Variants in CCDC59 observed in about 807,000 individuals in gnomAD.
CCDC59 encodes the protein coiled-coil domain containing 59.
Under a neutral mutation model 30.5 loss-of-function variants are expected in CCDC59, and 27 were observed. The ratio of observed to expected loss-of-function variants is 0.89; its 90% CI spans 0.65 to 1.22. The LOEUF (loss-of-function observed/expected upper bound fraction) is 1.22, where lower values mean the gene tolerates loss of function less well. Among genes scored for constraint, CCDC59 ranks in the 50% most tolerant of loss-of-function variants. The pLI, the probability that CCDC59 is intolerant of heterozygous loss-of-function variation, is 0.00. For synonymous variants in CCDC59, 125 were observed against 100.9 expected (o/e 1.24, Z -1.43); for missense variants, 362 against 284.4 (o/e 1.27, Z -1.96).
chr12:82,352,348 T>G lies in CCDC59; in HGVS notation c.*803A>C, dbSNP rs1469246366. The G allele has an allele frequency of 1.3e-5, 2 of 152,260 alleles. No homozygotes were observed. The highest frequency in any genetic ancestry group is 2.9e-5 in the Non-Finnish European group (2 of 68,042). The allele number at this position is 152,260 out of a possible 1,614,324, so 9.4% of individuals were successfully genotyped here. The stretch of plus-strand genomic sequence containing the variant: ...TTTATTATTCAATATTTGGCAAGTA[T>G]TATTGGTCAGCCCTTTTTGCTTACA... On this transcript the variant is annotated 3_prime_UTR_variant, in exon 4 of 4. Coordinates refer to ENST00000256151, the MANE Select transcript of CCDC59 (RefSeq NM_014167.5).
chr12:82,353,905 T>C (rs190675847), intron 3 of CCDC59, among the ~76,000 whole-genome samples: 1 of 151,940 alleles, frequency 6.6e-6, no homozygotes, highest in East Asian at 1.9e-4. Context: ...AAAATGACAA[T>C]TTTGTTGAGG....
At chr12:82,353,921 G>A (rs1342516692) in intron 3 of CCDC59, among the ~76,000 whole-genome samples, 2 of 151,738 alleles carry the variant, frequency 1.3e-5, no homozygotes, top group Non-Finnish European at 2.9e-5. Context: ...TGAGGCTGTG[G>A]GTAATTCTGT....
chr12:82,353,151 T>C lies in CCDC59; in HGVS notation c.726A>G (p.Ter242=). The C allele has an allele frequency of 6.3e-7, 1 of 1,599,034 alleles. No individual in the cohort carries two copies. The highest frequency in any genetic ancestry group is 8.5e-7 in the Non-Finnish European group (1 of 1,175,844). Residue 242 remains the stop codon, a stop_retained_variant, in exon 4 of 4, where the codon TAA becomes TAG. Coordinates refer to ENST00000256151, the MANE Select transcript of CCDC59 (RefSeq NM_014167.5). ...YLLQKIQEKC[*] ...ATTTTAACCTGTAGGAACAAAATGTTTAACATTTTTCTTGTATTTTTTGAA... is the reference window on the plus strand; with the variant it reads ...ATTTTAACCTGTAGGAACAAAATGTCTAACATTTTTCTTGTATTTTTTGAA...
rs530969051 is a variant in CCDC59 at position 82,358,372 on chromosome 12, G to T, written c.5C>A (p.Ala2Glu). The T allele has an allele frequency of 6.2e-7, 1 of 1,613,168 alleles. No individual in the cohort carries two copies. Among genetic ancestry groups the T allele is most frequent in the Non-Finnish European group, 8.5e-7 (1 of 1,179,996 alleles). M[A>E]PVRRSAKWRP... ...CCACTTCGCGGACCGCCTCACCGGC[G>T]CCATTGCAGCCGACTAACTGCGTCA... Residue 2 changes from alanine (A) to glutamate (E), a missense_variant, in exon 1 of 4, where the codon GCG (alanine) becomes GAG (glutamate). Transcript: ENST00000256151.
rs1880875866 is a variant in CCDC59, at chr12:82,353,080, A to G, written c.*71T>C. On this transcript the variant is annotated 3_prime_UTR_variant, in exon 4 of 4. Coordinates refer to ENST00000256151, the MANE Select transcript of CCDC59 (RefSeq NM_014167.5). ...CAGTTTATGTCGACAAATTTAGTTC[A>G]CTGCTGGGAGGCACATGTCACAGAA... 1 of 1,218,650 alleles carries G rather than the reference A, an allele frequency of 8.2e-7. No individual in the cohort carries two copies. The highest frequency in any genetic ancestry group is 1.1e-6 in the Non-Finnish European group (1 of 878,580). 75.5% of individuals were successfully genotyped at this position (1,218,650 alleles called of 1,614,324 possible).
chr12:82,358,532 T>G, upstream of CCDC59: 1 of 1,602,316 alleles, frequency 6.2e-7, no homozygotes, highest in Non-Finnish European at 8.5e-7. Flanking sequence ...CACGGCCATG[T>G]TTGCGCCACC....
At chr12:82,354,303 T>C (rs183333483) in intron 3 of CCDC59, among the ~76,000 whole-genome samples, 192 bp downstream of exon 3, 3 of 152,210 alleles carry the variant, frequency 2.0e-5, no homozygotes, top group Non-Finnish European at 4.4e-5. Flanking sequence ...CTACTAGTAT[T>C]GCTTGACATA....
intron 2 of CCDC59, chr12:82,356,176 C>T (rs1158536321): frequency 2.0e-5 from 3 of 152,266 alleles, no homozygotes; most frequent in Admixed American, 1.3e-4. Context: ...CAAGTTAATA[C>T]CCAGCTTCTT....
intron 2 of CCDC59, chr12:82,355,985 T>G (rs1314239565): frequency 6.6e-6 from 1 of 152,182 alleles, no homozygotes; most frequent in Non-Finnish European, 1.5e-5. Flanking sequence ...TTCCCTGAAC[T>G]TTATACTGAT....
Position 82,353,149 on chromosome 12 carries a change from G to GT in CCDC59, c.*1dup. The stretch of plus-strand genomic sequence containing the variant: ...ATATTTTAACCTGTAGGAACAAAAT[G>GT]TTTAACATTTTTCTTGTATTTTTTG... On this transcript the variant is annotated 3_prime_UTR_variant, in exon 4 of 4. Transcript: ENST00000256151. The GT allele has an allele frequency of 6.3e-7, 1 of 1,598,402 alleles. No homozygotes were observed. Among genetic ancestry groups the GT allele is most frequent in the Non-Finnish European group, 8.5e-7 (1 of 1,175,418 alleles).
chr12:82,353,414 GTCTCT>G, intron 3 of CCDC59, 102 bp from the exon 4 acceptor site: 1 of 917,100 alleles, frequency 1.1e-6, no homozygotes, highest in Non-Finnish European at 1.6e-6. Flanking sequence ...TCTAAGGTTT[GTCTCT>G]TCTATTTTGC....
intron 2 of CCDC59, chr12:82,355,570 G>A (rs895988991): frequency 6.6e-6 from 1 of 152,128 alleles, no homozygotes; most frequent in Non-Finnish European, 1.5e-5. Context: ...AAAAGTTATG[G>A]CCACAGTACG....
Position 82,358,257 on chromosome 12 carries a change from G to C in CCDC59, c.120C>G (p.Asn40Lys). The C allele has an allele frequency of 6.2e-7, 1 of 1,614,194 alleles. No homozygotes were observed. The highest frequency in any genetic ancestry group is 8.5e-7 in the Non-Finnish European group (1 of 1,180,032). Residue 40 changes from asparagine (N) to lysine (K), a missense_variant, in exon 1 of 4, where the codon AAC (asparagine) becomes AAG (lysine). Coordinates refer to ENST00000256151, the MANE Select transcript of CCDC59 (RefSeq NM_014167.5). Reference protein sequence around the residue: ...KNVRQKTWRPNHPQAFVGSVR... With the variant: ...KNVRQKTWRPKHPQAFVGSVR... ...CGCTCCCCACGAAGGCTTGCGGGTGGTTAGGCCGCCATGTCTTCTGTCTCA... is the reference window on the plus strand; with the variant it reads ...CGCTCCCCACGAAGGCTTGCGGGTGCTTAGGCCGCCATGTCTTCTGTCTCA...
intron 2 of CCDC59, chr12:82,355,499 T>A (rs972510247): frequency 4.6e-5 from 7 of 152,230 alleles, no homozygotes; most frequent in Non-Finnish European, 8.8e-5. Context: ...AAATCTTCTA[T>A]ACATCAAATT....
intron 2 of CCDC59, chr12:82,354,801 C>T: frequency 2.7e-6 from 1 of 372,336 alleles, no homozygotes; most frequent in Non-Finnish European, 4.7e-6. Context: ...GTAATGAAAC[C>T]AGTATATGAA....
At chr12:82,358,636 T>C (rs774927745), upstream of CCDC59, 1 of 1,614,072 alleles carries the variant, frequency 6.2e-7, no homozygotes. Flanking sequence ...CAGGGACTGC[T>C]GCAGTTCCTG....
intron 3 of CCDC59, among the ~76,000 whole-genome samples, chr12:82,354,231 C>A (rs755583074): frequency 6.6e-6 from 1 of 152,102 alleles, no homozygotes; most frequent in Non-Finnish European, 1.5e-5. Flanking sequence ...CTCAGTGAAA[C>A]TTTGTCCCAG....
chr12:82,352,860 A>G lies in CCDC59; in HGVS notation c.*291T>C. On this transcript the variant is annotated 3_prime_UTR_variant, in exon 4 of 4. Coordinates refer to ENST00000256151, the MANE Select transcript of CCDC59 (RefSeq NM_014167.5). ...CTGATTCCTTATTTTTAAAAAATTT[A>G]TTTCATATAAATCTCATATGGTACA... 1 of 199,626 alleles carries G rather than the reference A, an allele frequency of 5.0e-6. No individual in the cohort carries two copies. The highest frequency in any genetic ancestry group is 1.0e-5 in the Non-Finnish European group (1 of 99,904). The allele number at this position is 199,626 out of a possible 1,614,324, so 12.4% of individuals were successfully genotyped here. A position where few individuals can be genotyped will look rare whatever the true frequency, so the allele number is the denominator to read the frequency against.
At chr12:82,357,773 G>A (rs1490792159) in intron 1 of CCDC59, among the ~76,000 whole-genome samples, 1 of 152,190 alleles carries the variant, frequency 6.6e-6, no homozygotes, top group Non-Finnish European at 1.5e-5. Context: ...TATATTCCAA[G>A]TGGGATCTAA....
Sources: allele counts gnomAD v4.1 joint callset (sites outside exome capture counted in the v4.1 genomes callset), GRCh38; gene constraint gnomAD v4.1.1; transcripts MANE v1.5; gene names NCBI Gene and HGNC (gene_info 2026-07-23, HGNC 2026-07-21).